CDK14: variants seen among roughly 807,000 people sequenced by gnomAD.
CDK14 encodes the protein cyclin-dependent kinase 14.
CDK14 carries 34 observed loss-of-function variants against 60.7 expected under a neutral mutation model. The ratio of observed to expected loss-of-function variants is 0.56; its 90% CI spans 0.43 to 0.75. The LOEUF is 0.75. Ranked by LOEUF, CDK14 falls within the 30% of genes least tolerant of loss-of-function variation. CDK14 has a pLI of 0.00. For missense variants in CDK14, 482 were observed against 564.1 expected (o/e 0.85, Z 1.47); for synonymous variants, 197 against 203.7 (o/e 0.97, Z 0.28).
chr7:90,614,580 T>C (rs1156310065), intron 2 of CDK14, among the ~76,000 whole-genome samples: 3 of 151,974 alleles, frequency 2.0e-5, no homozygotes, highest in Admixed American at 2.0e-4. Flanking sequence ...CTTAGCAACT[T>C]AGTTTTCTTA....
At chr7:90,888,753 G>T (rs974188013) in intron 6 of CDK14, among the ~76,000 whole-genome samples, 2 of 151,922 alleles carry the variant, frequency 1.3e-5, no homozygotes, top group African/African-American at 4.8e-5. Context: ...TTGTCAGCCT[G>T]TTTTTTTTCT....
chr7:90,728,248 A>T (rs1389414473), intron 3 of CDK14, among the ~76,000 whole-genome samples: 1 of 151,772 alleles, frequency 6.6e-6, no homozygotes, highest in Non-Finnish European at 1.5e-5. Flanking sequence ...GGTGTTTTCA[A>T]TTTTTGAGTT....
chr7:90,840,833 G>A (rs990245372), intron 5 of CDK14, among the ~76,000 whole-genome samples: 1 of 152,192 alleles, frequency 6.6e-6, no homozygotes, highest in African/African-American at 2.4e-5. Flanking sequence ...AAGGGCTACA[G>A]CTGTTCTCCA....
chr7:90,937,858 A>G (rs1288241902), intron 8 of CDK14, among the ~76,000 whole-genome samples: 1 of 152,232 alleles, frequency 6.6e-6, no homozygotes, highest in Admixed American at 6.5e-5. Context: ...CATTTGGTTC[A>G]GTGAGATTTT....
chr7:91,154,433 G>C (rs549912193), intron 14 of CDK14, among the ~76,000 whole-genome samples: 26 of 152,056 alleles, frequency 1.7e-4, no homozygotes, highest in Non-Finnish European at 2.8e-4. Context: ...ATATCCTTAA[G>C]ATACACTTTC....
intron 2 of CDK14, among the ~76,000 whole-genome samples, chr7:90,661,927 C>T (rs1800872162): frequency 6.6e-6 from 1 of 152,154 alleles, no homozygotes. Context: ...TCAAAGAACT[C>T]CCTGCATTAC....
intron 14 of CDK14, among the ~76,000 whole-genome samples, chr7:91,130,954 G>A (rs182196415): frequency 2.6e-5 from 4 of 152,180 alleles, no homozygotes; most frequent in African/African-American, 7.2e-5. Context: ...GTCAGAAAAC[G>A]GGACTTGGGT....
chr7:90,959,539 G>A (rs1794535684), intron 9 of CDK14, among the ~76,000 whole-genome samples: 2 of 152,118 alleles, frequency 1.3e-5, no homozygotes, highest in Non-Finnish European at 2.9e-5. Context: ...AACCCATGGA[G>A]AATAGCAGGG....
Position 90,894,242 on chromosome 7 carries a change from T to G in CDK14, c.640-5049T>G, listed in dbSNP as rs550360742. On this transcript the variant is annotated intron_variant, in intron 6 of 14. Coordinates refer to ENST00000380050, the MANE Select transcript of CDK14 (RefSeq NM_001287135.2). ...GGTTAATATGAAAATTGAACTAGGATTGTCTTCATTACAGAGGTTATGTGA... is the reference window on the plus strand; with the variant it reads ...GGTTAATATGAAAATTGAACTAGGAGTGTCTTCATTACAGAGGTTATGTGA... Among the ~76,000 whole-genome samples the G allele has an allele frequency of 4.6e-5, 7 of 152,300 alleles. No homozygotes were observed. In the South Asian group the frequency reaches 1.5e-3, roughly 32 times the overall value.
At chr7:90,626,129 C>T (rs1409231964) in intron 2 of CDK14, among the ~76,000 whole-genome samples, 1 of 152,120 alleles carries the variant, frequency 6.6e-6, no homozygotes, top group African/African-American at 2.4e-5. Flanking sequence ...TTTTACTTTC[C>T]CATTTACTTA....
At chr7:91,060,661 C>G (rs550037024) in intron 11 of CDK14, among the ~76,000 whole-genome samples, 2 of 152,142 alleles carry the variant, frequency 1.3e-5, no homozygotes, top group African/African-American at 4.8e-5. Context: ...ACTTATGAAA[C>G]TTAGTTTGGC....
chr7:91,021,549 A>T (rs576723790), intron 10 of CDK14, among the ~76,000 whole-genome samples: 1 of 152,338 alleles, frequency 6.6e-6, no homozygotes, highest in South Asian at 2.1e-4. Flanking sequence ...ACAAAAATGA[A>T]CAAGTACAAG....
At chr7:90,790,778 T>C in intron 5 of CDK14, 126 bp downstream of exon 5, 1 of 557,964 alleles carries the variant, frequency 1.8e-6, no homozygotes, top group Non-Finnish European at 3.2e-6. Flanking sequence ...TTAAAATGTG[T>C]AAACTGAAAT....
chr7:90,670,863 A>G (rs529632358), intron 2 of CDK14, among the ~76,000 whole-genome samples: 8 of 152,028 alleles, frequency 5.3e-5, no homozygotes, highest in Admixed American at 1.3e-4. Context: ...GCCCTCCCCA[A>G]ATCTCATATC....
At chr7:91,196,523 G>T (rs1304732978) in intron 14 of CDK14, among the ~76,000 whole-genome samples, 1 of 152,226 alleles carries the variant, frequency 6.6e-6, no homozygotes, top group Non-Finnish European at 1.5e-5. Context: ...TATAGCAGGG[G>T]TTATTTCTGG....
At chr7:90,999,288 A>T (rs1296341929) in intron 10 of CDK14, among the ~76,000 whole-genome samples, 1 of 151,976 alleles carries the variant, frequency 6.6e-6, no homozygotes, top group Non-Finnish European at 1.5e-5. Flanking sequence ...AAGCTGAAGC[A>T]TTAAAAACCT....
rs1330548296 is a variant in CDK14 at position 91,208,922 on chromosome 7, C to T, written c.*1786C>T. 6.6e-6 allele frequency: 1 copy of T among 152,632 alleles called. No homozygotes were observed. The highest frequency in any genetic ancestry group is 1.5e-5 in the Non-Finnish European group (1 of 68,030). The allele number at this position is 152,632 out of a possible 1,614,324, so 9.5% of individuals were successfully genotyped here. A position where few individuals can be genotyped will look rare whatever the true frequency, so the allele number is the denominator to read the frequency against. On this transcript the variant is annotated 3_prime_UTR_variant, in exon 15 of 15. Transcript: ENST00000380050. The stretch of plus-strand genomic sequence containing the variant: ...AGTGTAGAATGTCTACTGTTTGCTA[C>T]CTAGAAATCTTTTCCATTCCTCTTT...
At chr7:90,640,116 G>A (rs940262144) in intron 2 of CDK14, among the ~76,000 whole-genome samples, 5 of 152,182 alleles carry the variant, frequency 3.3e-5, no homozygotes, top group East Asian at 2.0e-4. Flanking sequence ...CGCACGGTGC[G>A]CTGCACCCAC....
intron 6 of CDK14, among the ~76,000 whole-genome samples, chr7:90,881,178 A>C (rs1280475966): frequency 6.6e-6 from 1 of 152,202 alleles, no homozygotes; most frequent in Non-Finnish European, 1.5e-5. Flanking sequence ...CCTAATGCAA[A>C]GAATGCTAAG....
Sources: gnomAD v4.1 joint callset for allele counts (sites outside exome capture counted in the v4.1 genomes callset) on GRCh38, gnomAD v4.1.1 for gene constraint, MANE v1.5 for transcripts, NCBI Gene and HGNC (gene_info 2026-07-23, HGNC 2026-07-21) for gene names.